The following SYNPO2 variants were observed in gnomAD, a reference collection of about 807,000 sequenced individuals.
The protein encoded by SYNPO2 is synaptopodin-2.
Under a neutral mutation model 85.0 loss-of-function variants are expected in SYNPO2, and 56 were observed. The observed-to-expected ratio is 0.66, with a 90% CI of 0.53 to 0.82. The LOEUF is 0.82. Among genes scored for constraint, SYNPO2 ranks in the 40% least tolerant of loss-of-function variants. The pLI, the probability that SYNPO2 is intolerant of heterozygous loss-of-function variation, is 0.00. For synonymous variants in SYNPO2, 602 were observed against 591.1 expected (o/e 1.02, Z -0.27); for missense variants, 1,575 against 1,534.2 (o/e 1.03, Z -0.44).
intron 1 of SYNPO2, among the ~76,000 whole-genome samples, chr4:118,944,453 A>T (rs1170056002): frequency 6.6e-6 from 1 of 152,220 alleles, no homozygotes; most frequent in Admixed American, 6.5e-5. Context: ...AAATAAATAA[A>T]ATAAATGGAC....
chr4:118,895,914 T>G (rs1425898184), intron 1 of SYNPO2, among the ~76,000 whole-genome samples: 1 of 152,240 alleles, frequency 6.6e-6, no homozygotes, highest in Non-Finnish European at 1.5e-5. Context: ...ACTTCACATG[T>G]GTATATCTTA....
intron 1 of SYNPO2, among the ~76,000 whole-genome samples, chr4:119,013,217 G>A (rs1277088274): frequency 3.3e-5 from 5 of 152,176 alleles, no homozygotes; most frequent in Non-Finnish European, 5.9e-5. Context: ...AGGGGCCTTT[G>A]TGTTCCTTAC....
chr4:118,883,323 G>A (rs1732143853), intron 1 of SYNPO2, among the ~76,000 whole-genome samples: 2 of 152,114 alleles, frequency 1.3e-5, no homozygotes, highest in Admixed American at 6.6e-5. Context: ...ATAAACATTA[G>A]CTCAAAATGG....
At chr4:118,879,127 G>C (rs1472311331) in intron 1 of SYNPO2, among the ~76,000 whole-genome samples, 2 of 152,164 alleles carry the variant, frequency 1.3e-5, no homozygotes, top group East Asian at 3.9e-4. Flanking sequence ...GAACTCGCCA[G>C]AAGGAAGAAA....
chr4:118,883,990 T>A (rs79258091), upstream of SYNPO2, among the ~76,000 whole-genome samples: 757 of 152,318 alleles, frequency 5.0e-3, 5 homozygotes, highest in African/African-American at 0.015. Context: ...CATGTTTGCA[T>A]CAGTTCACCT....
intron 1 of SYNPO2, among the ~76,000 whole-genome samples, chr4:118,952,081 T>C (rs1215547902): frequency 1.3e-5 from 2 of 151,922 alleles, no homozygotes; most frequent in Non-Finnish European, 2.9e-5. Flanking sequence ...TCTTGAAGAG[T>C]GAGTGAAGGG....
upstream of SYNPO2, chr4:118,888,802 T>C: frequency 1.8e-6 from 1 of 543,026 alleles, no homozygotes. Context: ...GAGTGGGCTG[T>C]GTCCTGGATG....
At chr4:118,983,584 T>C (rs1336286917) in intron 1 of SYNPO2, among the ~76,000 whole-genome samples, 6 of 152,156 alleles carry the variant, frequency 3.9e-5, no homozygotes, top group Non-Finnish European at 8.8e-5. Context: ...TTCATCAGAA[T>C]TCAATAACAA....
intron 1 of SYNPO2, among the ~76,000 whole-genome samples, chr4:118,937,150 T>C (rs1427055948): frequency 6.6e-6 from 1 of 152,228 alleles, no homozygotes; most frequent in Admixed American, 6.5e-5. Flanking sequence ...CTCCAGTTAC[T>C]TTTCACTGCA....
chr4:118,853,688 G>T (rs1323896259), intron 1 of SYNPO2, among the ~76,000 whole-genome samples: 1 of 152,090 alleles, frequency 6.6e-6, no homozygotes, highest in Non-Finnish European at 1.5e-5. Context: ...AAATCCTTCT[G>T]GTCTTAGGGG....
intron 4 of SYNPO2, among the ~76,000 whole-genome samples, chr4:119,056,753 A>C (rs1317388572): frequency 6.6e-6 from 1 of 152,180 alleles, no homozygotes; most frequent in Non-Finnish European, 1.5e-5. Context: ...TCAGGAAATA[A>C]AAATCCATGT....
chr4:119,017,031 A>T (rs532653132), intron 1 of SYNPO2, among the ~76,000 whole-genome samples: 1 of 152,152 alleles, frequency 6.6e-6, no homozygotes, highest in Admixed American at 6.5e-5. Flanking sequence ...TTTTGTCTGG[A>T]TATATCTTGG....
chr4:118,956,511 T>C lies in SYNPO2; in HGVS notation c.106-66919T>C, dbSNP rs115586761. Among the ~76,000 whole-genome samples the C allele has an allele frequency of 6.4e-4, 98 of 152,362 alleles. 1 individual carries two copies. The highest frequency in any genetic ancestry group is 2.2e-3 in the African/African-American group (90 of 41,582). ...TTTAACTGTAATTATTTTTATTTTG[T>C]GAAAATCAAAATTATTTCCTATTGG... On this transcript the variant is annotated intron_variant, in intron 1 of 4. Coordinates refer to ENST00000307142, the MANE Select transcript of SYNPO2 (RefSeq NM_133477.3).
chr4:119,023,542 T>C lies in SYNPO2; in HGVS notation c.218T>C (p.Met73Thr). 1 of 1,613,852 alleles carries C rather than the reference T, an allele frequency of 6.2e-7. No individual in the cohort carries two copies. The highest frequency in any genetic ancestry group is 1.7e-4 in the Middle Eastern group (1 of 6,058). The change falls in exon 2 of 5, where the codon ATG (methionine) becomes ACG (threonine). Residue 73 changes from methionine (M) to threonine (T), a missense_variant. By Grantham distance (81) the Met-to-Thr change is moderately conservative. This residue lies in a region of SYNPO2 where 12 missense variants were observed against 31.9 expected (regional missense o/e 0.38). Transcript: ENST00000307142. The part of the protein sequence containing the change: ...DLTYPEVIKL[M>T]ESITDSLQML... ...ACCTACCCTGAAGTCATCAAGCTCA[T>C]GGAAAGCATAACAGACTCTCTCCAA...
At position 119,020,699 on chromosome 4, in the gene SYNPO2, A is replaced by C. The variant is rs137893091; in HGVS notation, c.106-2731A>C. 3.6e-4 allele frequency among the ~76,000 whole-genome samples: 55 copies of C among 152,260 alleles called. No individual in the cohort carries two copies. The East Asian group carries it at 7.7e-3, about 21-fold the overall frequency. ...TATATCTGACTCCATTGAATGAATG[A>C]TTTTATGCCTCAAAAGTATCCTGTA... On this transcript the variant is annotated intron_variant, in intron 1 of 4. Coordinates refer to ENST00000307142, the MANE Select transcript of SYNPO2 (RefSeq NM_133477.3).
intron 1 of SYNPO2, among the ~76,000 whole-genome samples, chr4:118,896,368 A>G (rs550972621): frequency 1.3e-5 from 2 of 152,336 alleles, no homozygotes; most frequent in Admixed American, 6.5e-5. Context: ...CCTGAAGAAT[A>G]TATGGACTCC....
chr4:119,015,268 A>G (rs1737484880), intron 1 of SYNPO2, among the ~76,000 whole-genome samples: 1 of 152,198 alleles, frequency 6.6e-6, no homozygotes, highest in Non-Finnish European at 1.5e-5. Context: ...TAATAACTGC[A>G]AGTCCGCAGC....
intron 1 of SYNPO2, among the ~76,000 whole-genome samples, chr4:118,864,265 A>G (rs1171655211): frequency 6.6e-6 from 1 of 152,222 alleles, no homozygotes; most frequent in African/African-American, 2.4e-5. Context: ...TACAGTTTCT[A>G]AAATTCCTCT....
chr4:119,051,570 CAAGT>C (rs1739053006), intron 4 of SYNPO2, among the ~76,000 whole-genome samples: 1 of 152,126 alleles, frequency 6.6e-6, no homozygotes, highest in South Asian at 2.1e-4. Context: ...GCTCTGGAAA[CAAGT>C]AACCCCTCTT....
Sources: allele counts gnomAD v4.1 joint callset (sites outside exome capture counted in the v4.1 genomes callset), GRCh38; gene constraint gnomAD v4.1.1; regional missense constraint gnomAD v4.1.1; transcripts MANE v1.5; gene names NCBI Gene and HGNC (gene_info 2026-07-23, HGNC 2026-07-21).